Variants in LRMDA observed in about 807,000 individuals in gnomAD.
LRMDA encodes leucine rich melanocyte differentiation associated.
A neutral mutation model predicts 29.8 loss-of-function variants in LRMDA; 18 were observed. That is an observed-to-expected ratio of 0.60 (90% confidence interval 0.42 to 0.90). The LOEUF (loss-of-function observed/expected upper bound fraction) is 0.90. Ranked by LOEUF, LRMDA falls within the 40% of genes least tolerant of loss-of-function variation. The pLI is 0.00. For missense variants in LRMDA, 273 were observed against 273.9 expected (o/e 1.00, Z 0.02); for synonymous variants, 125 against 109.4 (o/e 1.14, Z -0.89).
At chr10:76,371,336 T>C (rs897151197) in intron 6 of LRMDA, among the ~76,000 whole-genome samples, 11 of 152,182 alleles carry the variant, frequency 7.2e-5, no homozygotes, top group African/African-American at 2.2e-4. Flanking sequence ...AGGATTGTCC[T>C]CAGATACTTT....
At chr10:75,862,423 C>A (rs749834487) in intron 2 of LRMDA, among the ~76,000 whole-genome samples, 2 of 152,154 alleles carry the variant, frequency 1.3e-5, no homozygotes, top group Non-Finnish European at 2.9e-5. Flanking sequence ...CCCATTAGGG[C>A]ACAGTCCCTT....
At chr10:75,754,932 A>C (rs1843012839) in intron 2 of LRMDA, among the ~76,000 whole-genome samples, 1 of 152,194 alleles carries the variant, frequency 6.6e-6, no homozygotes, top group Non-Finnish European at 1.5e-5. Flanking sequence ...TTTCCTATGG[A>C]AAACAGTCTT....
chr10:76,324,304 C>A, intron 5 of LRMDA, 97 bp from the exon 6 acceptor site: 1 of 1,052,620 alleles, frequency 9.5e-7, no homozygotes, highest in South Asian at 1.3e-5. Context: ...AATATTTTCT[C>A]CAAGCTCAGA....
intron 6 of LRMDA, among the ~76,000 whole-genome samples, chr10:76,369,918 G>A (rs1432347630): frequency 6.6e-6 from 1 of 152,110 alleles, no homozygotes; most frequent in Non-Finnish European, 1.5e-5. Context: ...GATGACAAAT[G>A]TTTGATTGAA....
At chr10:76,317,804 C>T (rs1425807307) in intron 5 of LRMDA, among the ~76,000 whole-genome samples, 1 of 152,162 alleles carries the variant, frequency 6.6e-6, no homozygotes, top group South Asian at 2.1e-4. Flanking sequence ...AGACTCCTGA[C>T]CTCAGGTGAT....
intron 5 of LRMDA, among the ~76,000 whole-genome samples, chr10:76,083,399 T>G (rs920841255): frequency 3.9e-5 from 6 of 152,174 alleles, no homozygotes; most frequent in Admixed American, 6.5e-5. Flanking sequence ...CCCAGATGCT[T>G]CCATGTGGGG....
intron 2 of LRMDA, among the ~76,000 whole-genome samples, chr10:75,624,777 T>G (rs147899883): frequency 6.6e-6 from 1 of 152,334 alleles, no homozygotes; most frequent in African/African-American, 2.4e-5. Context: ...CTCTGATAAA[T>G]TTTCACTTGT....
At chr10:76,495,463 T>G (rs923430554) in intron 6 of LRMDA, among the ~76,000 whole-genome samples, 2 of 151,862 alleles carry the variant, frequency 1.3e-5, no homozygotes, top group Non-Finnish European at 2.9e-5. Flanking sequence ...CCCACTTTAT[T>G]CTTCCTTTTC....
chr10:76,066,584 C>G (rs1166654929), intron 5 of LRMDA, among the ~76,000 whole-genome samples: 2 of 152,216 alleles, frequency 1.3e-5, no homozygotes, highest in Non-Finnish European at 2.9e-5. Context: ...GTATCCCTTA[C>G]ATTTCATTAA....
intron 3 of LRMDA, among the ~76,000 whole-genome samples, chr10:76,041,068 A>C (rs1417519607): frequency 6.6e-6 from 1 of 152,234 alleles, no homozygotes; most frequent in African/African-American, 2.4e-5. Context: ...TTTCTTTATA[A>C]AATGGTTAAC....
chr10:75,996,189 A>C (rs1847458581), intron 2 of LRMDA, among the ~76,000 whole-genome samples: 2 of 152,120 alleles, frequency 1.3e-5, no homozygotes, highest in Non-Finnish European at 2.9e-5. Context: ...CTAAAACATA[A>C]TTTGTTTGTT....
chr10:76,372,619 T>TAAAATAAAATAA (rs1841467567), intron 6 of LRMDA, among the ~76,000 whole-genome samples: 1 of 151,926 alleles, frequency 6.6e-6, no homozygotes, highest in African/African-American at 2.4e-5. Context: ...ATCTCAAAAA[T>TAAAATAAAATAA]AAAATAAAAT....
chr10:75,957,908 C>T (rs1421369626), intron 2 of LRMDA, among the ~76,000 whole-genome samples: 1 of 152,112 alleles, frequency 6.6e-6, no homozygotes, highest in Non-Finnish European at 1.5e-5. Context: ...TTTGACCTCT[C>T]CCTTACCAGA....
intron 5 of LRMDA, among the ~76,000 whole-genome samples, chr10:76,142,115 C>G (rs1564664541): frequency 6.6e-6 from 1 of 152,014 alleles, no homozygotes; most frequent in Non-Finnish European, 1.5e-5. Flanking sequence ...ACCTCAAGGT[C>G]AATACTGGAA....
rs200006068 is a variant in LRMDA at position 75,497,461 on chromosome 10, A to AT, written c.131+58979dup. On this transcript the variant is annotated intron_variant, in intron 2 of 6. Coordinates refer to ENST00000611255, the MANE Select transcript of LRMDA (RefSeq NM_001305581.2). ...TGCCTATCATTTTCTAGAGTTCGAT[A>AT]TTTTTTTTTTTTGAGAAATGCATGA... Among the ~76,000 whole-genome samples, 464 of 145,648 alleles carry AT rather than the reference A, an allele frequency of 3.2e-3. 1 individual carries two copies. The highest frequency in any genetic ancestry group is 5.4e-3 in the Non-Finnish European group (354 of 65,982).
chr10:75,883,286 C>T (rs1845324970), intron 2 of LRMDA: 1 of 152,326 alleles, frequency 6.6e-6, no homozygotes, highest in Non-Finnish European at 1.5e-5. Context: ...CCTCCATAAG[C>T]CCTGGCTGGG....
chr10:75,498,168 C>A (rs944657552), intron 2 of LRMDA, among the ~76,000 whole-genome samples: 1 of 152,130 alleles, frequency 6.6e-6, no homozygotes, highest in Non-Finnish European at 1.5e-5. Flanking sequence ...TGACATTTTC[C>A]TTGGTCCCTA....
intron 2 of LRMDA, among the ~76,000 whole-genome samples, chr10:75,656,830 G>T (rs374373461): frequency 5.3e-5 from 8 of 152,318 alleles, no homozygotes; most frequent in African/African-American, 1.9e-4. Context: ...ACAGATTGTA[G>T]ATTAACATGC....
rs139147526 is a variant in LRMDA, at chr10:75,580,034, C to T, written c.131+141540C>T. Among the ~76,000 whole-genome samples the T allele has an allele frequency of 6.4e-3, 973 of 152,294 alleles. 14 individuals carry two copies. Among genetic ancestry groups the T allele is most frequent in the African/African-American group, 0.022 (907 of 41,540 alleles). ...CACAGGGCAAAGATGCCGTCTCTCA[C>T]CACTCCTATTCAACATAGTATTGGA... On this transcript the variant is annotated intron_variant, in intron 2 of 6. Coordinates refer to ENST00000611255, the MANE Select transcript of LRMDA (RefSeq NM_001305581.2).
Sources: gnomAD v4.1 joint callset for allele counts (sites outside exome capture counted in the v4.1 genomes callset) on GRCh38, gnomAD v4.1.1 for gene constraint, MANE v1.5 for transcripts, NCBI Gene and HGNC (gene_info 2026-07-23, HGNC 2026-07-21) for gene names.